The following TPO variants were observed in gnomAD, a reference collection of about 807,000 sequenced individuals.
TPO encodes the protein thyroid peroxidase, also known as thyroid microsomal antigen.
TPO carries 78 observed loss-of-function variants against 96.9 expected under a neutral mutation model. The observed-to-expected ratio is 0.81, with a 90% CI of 0.67 to 0.97. The LOEUF is 0.97. TPO is among the 50% of genes least tolerant of loss of function. The pLI is 0.00. For missense variants in TPO, 1,252 were observed against 1,274.8 expected, an observed-to-expected ratio of 0.98 and a Z score of 0.27; for synonymous variants, 547 against 538.0, an observed-to-expected ratio of 1.02 and a Z score of -0.23.
intron 5 of TPO, among the ~76,000 whole-genome samples, chr2:1,443,599 T>C (rs200582006): frequency 0.015 from 1,893 of 127,180 alleles, 7 homozygotes; most frequent in East Asian, 0.035. Flanking sequence ...GATCCAGTCA[T>C]TGCTGCAGGA....
rs778362825 is a variant in TPO at position 1,399,464 on chromosome 2, T to C, written n.180+25062T>C. Among the ~76,000 whole-genome samples, 75 of 152,322 alleles carry C rather than the reference T, an allele frequency of 4.9e-4. 1 individual carries two copies. The highest frequency in any genetic ancestry group is 8.8e-4 in the Non-Finnish European group (60 of 68,038). ...CATACCCACGGTGAAGCTTAGTTTA[T>C]AAATTAGGCATAGTAAGAGATCCAC... On this transcript the variant is annotated intron_variant and non_coding_transcript_variant, in intron 1 of 5. Coordinates refer to the TPO transcript ENST00000497517.
chr2:1,524,122 C>T (rs1381617560), intron 15 of TPO, among the ~76,000 whole-genome samples: 3 of 142,052 alleles, frequency 2.1e-5, no homozygotes, highest in Admixed American at 7.1e-5. Context: ...GCAACCTCCC[C>T]AAATACCCCC....
upstream of TPO, among the ~76,000 whole-genome samples, chr2:1,410,411 T>A (rs1372491855): frequency 1.3e-5 from 2 of 152,182 alleles, no homozygotes; most frequent in Non-Finnish European, 2.9e-5. Context: ...CCACCCTGGA[T>A]CCCTTTTCTG....
At chr2:1,536,791 C>T (rs576267301) in intron 15 of TPO, among the ~76,000 whole-genome samples, 1 of 132,176 alleles carries the variant, frequency 7.6e-6, no homozygotes, top group South Asian at 2.7e-4. Flanking sequence ...CCAAATCCCC[C>T]GCAATCTGTG....
Position 1,382,239 on chromosome 2 carries a change from C to T in TPO, n.180+7837C>T, listed in dbSNP as rs116133107. On this transcript the variant is annotated intron_variant and non_coding_transcript_variant, in intron 1 of 5. Coordinates refer to the TPO transcript ENST00000497517. Reference sequence around the variant, plus strand: ...CAGAGCAACTGTCAGCTGGCTTCTGCGGCAAACAGCTCCCAAGTATAAATG... The same window carrying T: ...CAGAGCAACTGTCAGCTGGCTTCTGTGGCAAACAGCTCCCAAGTATAAATG... Among the ~76,000 whole-genome samples the T allele has an allele frequency of 8.6e-3, 1,302 of 152,244 alleles. 17 individuals carry two copies. The highest frequency in any genetic ancestry group is 0.029 in the African/African-American group (1,199 of 41,536).
chr2:1,465,307 T>C (rs1038694036), intron 7 of TPO, among the ~76,000 whole-genome samples: 6 of 152,226 alleles, frequency 3.9e-5, no homozygotes, highest in African/African-American at 1.4e-4. Flanking sequence ...TATGGCCTTA[T>C]AGTATAGTTT....
At chr2:1,480,574 A>C (rs1670459467) in intron 8 of TPO, among the ~76,000 whole-genome samples, 2 of 140,138 alleles carry the variant, frequency 1.4e-5, no homozygotes, top group Non-Finnish European at 1.5e-5. Context: ...ACACACACAC[A>C]CACACACACA....
At chr2:1,500,709 G>C (rs533842969) in intron 13 of TPO, among the ~76,000 whole-genome samples, 1 of 152,206 alleles carries the variant, frequency 6.6e-6, no homozygotes, top group East Asian at 1.9e-4. Context: ...GTTTATGCCT[G>C]TAATCCCAGC....
At chr2:1,536,671 G>A (rs1229410817) in intron 15 of TPO, among the ~76,000 whole-genome samples, 6 of 24,238 alleles carry the variant, frequency 2.5e-4, no homozygotes, top group East Asian at 1.3e-3. Flanking sequence ...AACCTCCCCA[G>A]ATCTCCTTTC....
At chr2:1,497,991 C>CAAAAAAAAAAAAAA (rs543921082) in intron 13 of TPO, among the ~76,000 whole-genome samples, 24 of 87,260 alleles carry the variant, frequency 2.8e-4, no homozygotes, top group African/African-American at 1.1e-3. Flanking sequence ...CCCCATCTAC[C>CAAAAAAAAAAAAAA]AAAAAAAAAA....
chr2:1,469,889 T>A (rs1196354958), intron 7 of TPO, among the ~76,000 whole-genome samples: 1 of 152,160 alleles, frequency 6.6e-6, no homozygotes, highest in Non-Finnish European at 1.5e-5. Flanking sequence ...CCTAATGTAT[T>A]CCTGCCGTCG....
chr2:1,527,675 A>C (rs1676909466), intron 15 of TPO, among the ~76,000 whole-genome samples: 1 of 106,202 alleles, frequency 9.4e-6, no homozygotes, highest in South Asian at 3.6e-4. Context: ...CAACCTCCCC[A>C]AATCCCACCC....
At chr2:1,455,538 G>A (rs575407892) in intron 6 of TPO, among the ~76,000 whole-genome samples, 8 of 152,288 alleles carry the variant, frequency 5.3e-5, no homozygotes, top group African/African-American at 1.7e-4. Flanking sequence ...GAAGCTTGTC[G>A]TCTGCTCTCC....
intron 14 of TPO, among the ~76,000 whole-genome samples, chr2:1,507,459 A>G (rs1400711554): frequency 2.0e-5 from 3 of 152,284 alleles, no homozygotes; most frequent in Non-Finnish European, 2.9e-5. Context: ...CATTGAATCT[A>G]TAAATTACCT....
At chr2:1,535,124 C>T (rs1320568163) in intron 15 of TPO, among the ~76,000 whole-genome samples, 1 of 99,198 alleles carries the variant, frequency 1.0e-5, no homozygotes, top group Non-Finnish European at 2.1e-5. Flanking sequence ...CTCACATCCC[C>T]CCACTCTGTG....
At chr2:1,379,393 T>C (rs967427769) in intron 1 of TPO, among the ~76,000 whole-genome samples, 3 of 152,076 alleles carry the variant, frequency 2.0e-5, no homozygotes, top group African/African-American at 7.2e-5. Flanking sequence ...ATATGTGACA[T>C]TCAGCCCAGG....
chr2:1,425,613 A>G (rs1407502557), intron 3 of TPO, among the ~76,000 whole-genome samples: 1 of 152,190 alleles, frequency 6.6e-6, no homozygotes, highest in African/African-American at 2.4e-5. Flanking sequence ...ATGCCAGGAT[A>G]CAGAGATGCA....
chr2:1,505,139 C>G (rs986791876), intron 14 of TPO, among the ~76,000 whole-genome samples: 1 of 152,174 alleles, frequency 6.6e-6, no homozygotes, highest in East Asian at 1.9e-4. Context: ...ATGGCCAGGA[C>G]GCGGCTGCCC....
At chr2:1,494,098 T>C (rs1672086583) in intron 11 of TPO, 59 bp downstream of exon 11, 2 of 1,564,556 alleles carry the variant, frequency 1.3e-6, no homozygotes, top group Non-Finnish European at 1.8e-6. Flanking sequence ...GTGGTCTGCG[T>C]TGGTTCTGAA....
Sources: allele counts gnomAD v4.1 joint callset (sites outside exome capture counted in the v4.1 genomes callset), GRCh38; gene constraint gnomAD v4.1.1; transcripts MANE v1.5; gene names NCBI Gene and HGNC (gene_info 2026-07-23, HGNC 2026-07-21).